The following LRBA variants were observed in gnomAD, a reference collection of about 807,000 sequenced individuals.
The protein encoded by LRBA is LPS responsive beige-like anchor protein, also known as lipopolysaccharide-responsive and beige-like anchor protein.
Under a neutral mutation model 330.0 loss-of-function variants are expected in LRBA, and 176 were observed. The observed-to-expected ratio is 0.53, with a 90% CI of 0.47 to 0.60. LRBA has a LOEUF of 0.60. LRBA is among the 20% of genes least tolerant of loss of function. The probability of loss-of-function intolerance (pLI) is 0.00; values close to 1 mark genes in which losing one functional copy is unlikely to be tolerated. For synonymous variants in LRBA, 1,230 were observed against 1,193.0 expected (o/e 1.03, Z -0.64); for missense variants, 3,259 against 3,444.8 (o/e 0.95, Z 1.35).
chr4:150,639,975 G>A (rs1031585525), intron 37 of LRBA, among the ~76,000 whole-genome samples: 1 of 148,064 alleles, frequency 6.8e-6, no homozygotes, highest in East Asian at 2.0e-4. Context: ...TTTTGCCTCA[G>A]CCTCCCAAGT....
intron 37 of LRBA, among the ~76,000 whole-genome samples, chr4:150,661,292 A>G (rs564057246): frequency 2.4e-4 from 36 of 151,400 alleles, no homozygotes; most frequent in East Asian, 7.9e-4. Context: ...GCAACATGGT[A>G]AGACCCCATC....
chr4:150,923,006 C>A (rs1171277507), intron 4 of LRBA, among the ~76,000 whole-genome samples: 1 of 152,050 alleles, frequency 6.6e-6, no homozygotes, highest in Non-Finnish European at 1.5e-5. Context: ...TACAGATGCT[C>A]CTCAACTTAC....
At chr4:150,937,438 T>G (rs2052745033) in intron 2 of LRBA, among the ~76,000 whole-genome samples, 1 of 152,150 alleles carries the variant, frequency 6.6e-6, no homozygotes, top group African/African-American at 2.4e-5. Context: ...CACAGTAAGT[T>G]ATGAATATCT....
chr4:150,852,652 T>C lies in LRBA; in HGVS notation c.3058A>G (p.Lys1020Glu). Residue 1020 changes from lysine to glutamate, a missense_variant, in exon 23 of 57, where the codon AAA becomes GAA. Transcript: ENST00000651943. ...QTTNTSYEEM[K>E]AEQENQELPD... ...AACTCCTGATTTTCTTGCTCAGCTT[T>C]CATTTCTTCATAAGATGTATTAGTA... The C allele has an allele frequency of 6.2e-7, 1 of 1,614,128 alleles. No homozygotes were observed. The highest frequency in any genetic ancestry group is 8.5e-7 in the Non-Finnish European group (1 of 1,179,984).
chr4:150,921,796 G>A (rs577204562), intron 4 of LRBA, among the ~76,000 whole-genome samples: 2 of 152,196 alleles, frequency 1.3e-5, no homozygotes, highest in East Asian at 3.9e-4. Context: ...CATGATCTCG[G>A]CTCACCGCAA....
rs1361376734 is a variant in LRBA at position 150,264,465 on chromosome 4, T to C, written c.*1257A>G. ...CATTTTCTTTCTTTGTGAATCATTA[T>C]TTTATTAATGATGTTTAAAATTTAG... On this transcript the variant is annotated 3_prime_UTR_variant, in exon 57 of 57. Coordinates refer to ENST00000651943, the MANE Select transcript of LRBA (RefSeq NM_001364905.1). 1.1e-5 allele frequency: 1 copy of C among 95,220 alleles called. No individual in the cohort carries two copies. The highest frequency in any genetic ancestry group is 1.2e-4 in the Admixed American group (1 of 8,356). 5.9% of individuals were successfully genotyped at this position (95,220 alleles called of 1,614,324 possible). A position where few individuals can be genotyped will look rare whatever the true frequency, so the allele number is the denominator to read the frequency against.
intron 47 of LRBA, among the ~76,000 whole-genome samples, chr4:150,393,022 A>AT (rs2151912083): frequency 1.3e-5 from 2 of 151,912 alleles, no homozygotes; most frequent in African/African-American, 4.8e-5. Context: ...TAAAAAAAAA[A>AT]GGGGGGAGAA....
Position 150,590,764 on chromosome 4 carries a change from C to T in LRBA, c.6142G>A (p.Asp2048Asn), listed in dbSNP as rs1285852025. The T allele has an allele frequency of 5.6e-6, 9 of 1,613,998 alleles. No homozygotes were observed. The highest frequency in any genetic ancestry group is 1.3e-5 in the African/African-American group (1 of 75,036). ...TCCACGGATGACAGAGTATCATCAT[C>T]GCCTTCCAGGAGGATCTCGTTTTCT... ...NSENEILLEG[D>N]DDTLSSVDEK... is the part of the protein sequence containing the mutation. Residue 2048 changes from aspartate to asparagine, a missense_variant, in exon 39 of 57, where the codon GAT becomes AAT. Physicochemically the swap from Asp to Asn is conservative, Grantham distance 23. Coordinates refer to ENST00000651943, the MANE Select transcript of LRBA (RefSeq NM_001364905.1).
At chr4:150,517,659 A>G (rs578078368) in intron 40 of LRBA, among the ~76,000 whole-genome samples, 1 of 152,362 alleles carries the variant, frequency 6.6e-6, no homozygotes, top group Non-Finnish European at 1.5e-5. Context: ...GATTATATTT[A>G]TAATAAGCTG....
chr4:150,768,744 C>A (rs953574983), intron 34 of LRBA, among the ~76,000 whole-genome samples: 5 of 150,120 alleles, frequency 3.3e-5, no homozygotes, highest in Non-Finnish European at 5.9e-5. Context: ...AGGAAACCCT[C>A]TTCTGTGATG....
At chr4:150,844,414 T>C (rs967994262) in intron 27 of LRBA, among the ~76,000 whole-genome samples, 14 of 151,866 alleles carry the variant, frequency 9.2e-5, no homozygotes, top group Non-Finnish European at 1.9e-4. Context: ...AAAAATGACA[T>C]ATTTGAAGGA....
chr4:150,329,448 T>C (rs1372701307), intron 48 of LRBA, among the ~76,000 whole-genome samples: 1 of 152,218 alleles, frequency 6.6e-6, no homozygotes, highest in East Asian at 1.9e-4. Flanking sequence ...ACAGAGATTC[T>C]CCCTTCTGTG....
At position 150,724,810 on chromosome 4, in the gene LRBA, C is replaced by T. The variant is rs1427362136; in HGVS notation, c.5754+10448G>A. Among the ~76,000 whole-genome samples, 3 of 149,978 alleles carry T rather than the reference C, an allele frequency of 2.0e-5. No individual in the cohort carries two copies. In the Admixed American group the frequency reaches 2.0e-4, roughly 10 times the overall value. On this transcript the variant is annotated intron_variant, in intron 36 of 56. Coordinates refer to ENST00000651943, the MANE Select transcript of LRBA (RefSeq NM_001364905.1). ...GAGTTGATATCCCACCACTGCACTG[C>T]AGCCTGGGTGATAGAGCCAGACCCT...
At chr4:150,273,960 T>TAACA (rs1194405917) in intron 56 of LRBA, among the ~76,000 whole-genome samples, 1 of 152,176 alleles carries the variant, frequency 6.6e-6, no homozygotes, top group Non-Finnish European at 1.5e-5. Flanking sequence ...CAAGCAGACC[T>TAACA]AACAGACATC....
chr4:150,756,752 A>C (rs2126436573), intron 35 of LRBA, among the ~76,000 whole-genome samples: 1 of 152,320 alleles, frequency 6.6e-6, no homozygotes, highest in Non-Finnish European at 1.5e-5. Context: ...GGTCAAAGGG[A>C]GTAGTAATAA....
chr4:150,898,333 T>C (rs1370428556), intron 14 of LRBA, among the ~76,000 whole-genome samples: 1 of 152,036 alleles, frequency 6.6e-6, no homozygotes, highest in African/African-American at 2.4e-5. Context: ...AGAAGGGAAA[T>C]ATTATGTTAA....
At chr4:150,431,939 T>G (rs888635641) in intron 46 of LRBA, among the ~76,000 whole-genome samples, 8 of 152,170 alleles carry the variant, frequency 5.3e-5, no homozygotes, top group African/African-American at 1.9e-4. Context: ...AAAAGGTCTC[T>G]TCTTTAAAAT....
chr4:150,569,911 T>C (rs927790147), intron 40 of LRBA, among the ~76,000 whole-genome samples: 1 of 152,084 alleles, frequency 6.6e-6, no homozygotes, highest in African/African-American at 2.4e-5. Flanking sequence ...CTAACCATAT[T>C]TGCTGCAGCT....
intron 17 of LRBA, among the ~76,000 whole-genome samples, chr4:150,877,223 A>G (rs1231125880): frequency 1.3e-5 from 2 of 149,862 alleles, no homozygotes; most frequent in Non-Finnish European, 3.0e-5. Context: ...GCGCCACTGC[A>G]CTCCAGCCTG....
Sources: gnomAD v4.1 joint callset for allele counts (sites outside exome capture counted in the v4.1 genomes callset) on GRCh38, gnomAD v4.1.1 for gene constraint, MANE v1.5 for transcripts, NCBI Gene and HGNC (gene_info 2026-07-23, HGNC 2026-07-21) for gene names.